The following MORC1 variants were observed in gnomAD, a reference collection of about 807,000 sequenced individuals.
MORC1 encodes MORC family CW-type zinc finger 1, also known as MORC family CW-type zinc finger protein 1.
Under a neutral mutation model 134.9 loss-of-function variants are expected in MORC1, and 59 were observed. The observed-to-expected ratio is 0.44, with a 90% CI of 0.35 to 0.54. The LOEUF (loss-of-function observed/expected upper bound fraction) is 0.54, where lower values mean the gene tolerates loss of function less well. Ranked by LOEUF, MORC1 falls within the 20% of genes least tolerant of loss-of-function variation. The pLI, the probability that MORC1 is intolerant of heterozygous loss-of-function variation, is 0.00. For missense variants in MORC1, 947 were observed against 1,134.5 expected (o/e 0.83, Z 2.37); for synonymous variants, 395 against 391.7 (o/e 1.01, Z -0.10).
chr3:109,010,776 C>A (rs1948663570), intron 17 of MORC1, among the ~76,000 whole-genome samples: 1 of 152,264 alleles, frequency 6.6e-6, no homozygotes, highest in African/African-American at 2.4e-5. Flanking sequence ...GTAATCTTGA[C>A]TTCTTTCACT....
chr3:109,108,684 T>A (rs1228528258), intron 3 of MORC1, among the ~76,000 whole-genome samples: 1 of 151,984 alleles, frequency 6.6e-6, no homozygotes, highest in Non-Finnish European at 1.5e-5. Context: ...GATCACAAGG[T>A]CAGGAGATCA....
chr3:109,095,987 A>T (rs1258185797), intron 6 of MORC1, among the ~76,000 whole-genome samples: 1 of 152,218 alleles, frequency 6.6e-6, no homozygotes, highest in Non-Finnish European at 1.5e-5. Flanking sequence ...CTAATATGAT[A>T]ATAGAGAACA....
chr3:109,053,333 A>T (rs1333788620), intron 14 of MORC1, among the ~76,000 whole-genome samples: 2 of 152,186 alleles, frequency 1.3e-5, no homozygotes, highest in Non-Finnish European at 2.9e-5. Flanking sequence ...ATGTATGTTC[A>T]TTACAGTGTT....
At chr3:109,050,226 A>C (rs975010725) in intron 14 of MORC1, among the ~76,000 whole-genome samples, 2 of 152,192 alleles carry the variant, frequency 1.3e-5, no homozygotes, top group African/African-American at 2.4e-5. Context: ...TAATTGTCAA[A>C]TCGTGTTAGC....
rs1219502545 is a variant in MORC1 at position 109,094,224 on chromosome 3, CA to C, written c.583+684del. 5.3e-5 allele frequency among the ~76,000 whole-genome samples: 8 copies of C among 152,046 alleles called. No homozygotes were observed. In the South Asian group the frequency reaches 1.7e-3, roughly 32 times the overall value. On this transcript the variant is annotated intron_variant, in intron 7 of 27. Coordinates refer to ENST00000232603, the MANE Select transcript of MORC1 (RefSeq NM_014429.4). Reference sequence around the variant, plus strand: ...GACCCCTGCTCCAAGGCATGATTAACAAAAAAAGTCCAAATTATTTCCAGTT... The same window carrying C: ...GACCCCTGCTCCAAGGCATGATTAACAAAAAAGTCCAAATTATTTCCAGTT...
intron 23 of MORC1, among the ~76,000 whole-genome samples, chr3:108,983,018 G>A (rs1947789100): frequency 6.6e-6 from 1 of 150,462 alleles, no homozygotes; most frequent in Non-Finnish European, 1.5e-5. Context: ...CAAGTCAACA[G>A]TGATTCCAAA....
chr3:109,033,012 A>G (rs1302616680), intron 15 of MORC1, among the ~76,000 whole-genome samples, 187 bp from the exon 16 acceptor site: 1 of 126,228 alleles, frequency 7.9e-6, no homozygotes, highest in Non-Finnish European at 1.7e-5. Context: ...TCAAGACCCC[A>G]CCAACAAGTT....
At position 109,063,217 on chromosome 3, in the gene MORC1, A is replaced by T. The variant is rs1279390352; in HGVS notation, c.830T>A (p.Val277Asp). 6.3e-7 allele frequency: 1 copy of T among 1,582,726 alleles called. No homozygotes were observed. Among genetic ancestry groups the T allele is most frequent in the African/African-American group, 1.3e-5 (1 of 74,340 alleles). ...CLYRPRKYLY[V>D]TSSFKGAFKD... ...AAATGCTCCTTTAAAAGAAGATGTGACATAAAGATACTTTCTGGAAAGAAA... is the reference window on the plus strand; with the variant it reads ...AAATGCTCCTTTAAAAGAAGATGTGTCATAAAGATACTTTCTGGAAAGAAA... The change falls in exon 10 of 28, where the codon GTC becomes GAC. Residue 277 changes from valine (V) to aspartate (D), a missense_variant. By Grantham distance (152) the Val-to-Asp change is radical. Transcript: ENST00000232603.
chr3:109,010,079 T>C (rs369998333), intron 17 of MORC1, among the ~76,000 whole-genome samples: 3 of 152,348 alleles, frequency 2.0e-5, no homozygotes, highest in East Asian at 3.9e-4. Flanking sequence ...AAAGGCTAGA[T>C]AGTAAATAGT....
At chr3:109,054,443 A>G (rs961994687) in intron 14 of MORC1, among the ~76,000 whole-genome samples, 3 of 152,140 alleles carry the variant, frequency 2.0e-5, no homozygotes, top group African/African-American at 7.2e-5. Context: ...TTCTCAGTCT[A>G]TTTGGAGCAA....
chr3:109,036,591 A>C (rs1346457293), intron 14 of MORC1, among the ~76,000 whole-genome samples: 1 of 152,206 alleles, frequency 6.6e-6, no homozygotes, highest in Non-Finnish European at 1.5e-5. Context: ...GCCTTACAAC[A>C]ACCTTAACAT....
chr3:108,988,885 G>A (rs1947969936), intron 21 of MORC1, among the ~76,000 whole-genome samples: 1 of 152,142 alleles, frequency 6.6e-6, no homozygotes, highest in African/African-American at 2.4e-5. Context: ...CTAAAGGGCT[G>A]TTTTTCCTAG....
chr3:109,056,310 C>T (rs1447442714), intron 13 of MORC1, among the ~76,000 whole-genome samples: 1 of 152,174 alleles, frequency 6.6e-6, no homozygotes, highest in Admixed American at 6.5e-5. Context: ...TCACTGCAAG[C>T]TCTGCCTCCC....
chr3:109,051,096 A>C (rs1190031094), intron 14 of MORC1, among the ~76,000 whole-genome samples: 1 of 152,230 alleles, frequency 6.6e-6, no homozygotes, highest in Non-Finnish European at 1.5e-5. Context: ...ATAAAGCTTC[A>C]GAAAACATAG....
intron 3 of MORC1, among the ~76,000 whole-genome samples, chr3:109,105,644 A>C (rs1576750260): frequency 6.6e-6 from 1 of 150,540 alleles, no homozygotes; most frequent in South Asian, 2.1e-4. Flanking sequence ...ACACCACTGC[A>C]CTCCAGCCTG....
At chr3:109,079,717 C>G (rs1254762325) in intron 8 of MORC1, among the ~76,000 whole-genome samples, 3 of 151,988 alleles carry the variant, frequency 2.0e-5, no homozygotes, top group Non-Finnish European at 4.4e-5. Context: ...TCCTTATTTG[C>G]AGATGATAAG....
In MORC1 at chr3:108,984,729, G is replaced by C. The variant is rs1243287497; in HGVS notation, c.2311C>G (p.Pro771Ala). 3 of 1,607,440 alleles carry C rather than the reference G, an allele frequency of 1.9e-6. No homozygotes were observed. The East Asian group carries it at 6.8e-5, about 37-fold the overall frequency. The part of the protein sequence containing the change: ...VLAMKRSSSL[P>A]SWKSLLNVPM... ...TAGTACACTCACCTTTTCCAGCTAG[G>C]TAATGAAGAGCTTCTTTTCATTGCT... Residue 771 changes from proline (P) to alanine (A), a missense_variant, in exon 23 of 28, where the codon CCT (proline) becomes GCT (alanine). By Grantham distance (27) the Pro-to-Ala change is conservative. This residue lies in a region of MORC1 where 722 missense variants were observed against 817.0 expected (regional missense o/e 0.88). Coordinates refer to ENST00000232603, the MANE Select transcript of MORC1 (RefSeq NM_014429.4).
intron 13 of MORC1, among the ~76,000 whole-genome samples, chr3:109,055,165 G>GCCACCT: frequency 6.6e-6 from 1 of 152,074 alleles, no homozygotes; most frequent in African/African-American, 2.4e-5. Flanking sequence ...AGGGTGGGTG[G>GCCACCT]GAAGGCAAGG....
At position 109,072,266 on chromosome 3, in the gene MORC1, G is replaced by T. The variant is rs114790042; in HGVS notation, c.690-2509C>A. Reference sequence around the variant, plus strand: ...TCTCAGTTCTCCAGCCATGCAATCAGGCTTTCTTATCCCCAAGGCTGGCAT... The same window carrying T: ...TCTCAGTTCTCCAGCCATGCAATCATGCTTTCTTATCCCCAAGGCTGGCAT... On this transcript the variant is annotated intron_variant, in intron 8 of 27. Transcript: ENST00000232603. Among the ~76,000 whole-genome samples, 778 of 152,242 alleles carry T rather than the reference G, an allele frequency of 5.1e-3. 17 individuals carry two copies. Among genetic ancestry groups the T allele is most frequent in the African/African-American group, 0.018 (746 of 41,546 alleles).
Sources: gnomAD v4.1 joint callset for allele counts (sites outside exome capture counted in the v4.1 genomes callset) on GRCh38, gnomAD v4.1.1 for gene constraint, gnomAD v4.1.1 regional missense constraint, MANE v1.5 for transcripts, NCBI Gene and HGNC (gene_info 2026-07-23, HGNC 2026-07-21) for gene names.